Variants in MOCOS observed in about 807,000 individuals in gnomAD.
MOCOS encodes the protein molybdenum cofactor sulfurase.
MOCOS carries 86 observed loss-of-function variants against 83.6 expected under a neutral mutation model. The ratio of observed to expected loss-of-function variants is 1.03; its 90% CI spans 0.86 to 1.23. MOCOS has a LOEUF of 1.23. Ranked by LOEUF, MOCOS falls within the 50% of genes most tolerant of loss-of-function variation. MOCOS has a pLI of 0.00. For missense variants in MOCOS, 1,120 were observed against 1,126.9 expected, an observed-to-expected ratio of 0.99 and a Z score of 0.09; for synonymous variants, 445 against 434.7, an observed-to-expected ratio of 1.02 and a Z score of -0.29.
intron 6 of MOCOS, among the ~76,000 whole-genome samples, chr18:36,212,703 A>C (rs1397733898): frequency 6.6e-6 from 1 of 152,220 alleles, no homozygotes; most frequent in Admixed American, 6.5e-5. Context: ...CTGGCTGACC[A>C]CACGGTGACC....
At chr18:36,222,351 T>G (rs2091499340) in intron 9 of MOCOS, among the ~76,000 whole-genome samples, 1 of 152,184 alleles carries the variant, frequency 6.6e-6, no homozygotes, top group African/African-American at 2.4e-5. Context: ...TACCCACCAG[T>G]GGTTGCAAGG....
chr18:36,194,987 G>A lies in MOCOS; in HGVS notation c.143-270G>A, dbSNP rs8093132. Among the ~76,000 whole-genome samples the A allele has an allele frequency of 0.2, 30,004 of 152,150 alleles. 3,689 individuals carry two copies. Among genetic ancestry groups the A allele is most frequent in the East Asian group, 0.39 (2,018 of 5,164 alleles). On this transcript the variant is annotated intron_variant, in intron 1 of 14. Transcript: ENST00000261326. ...CATTCATCACGAATGTCTGCTGGGC[G>A]TCTTCTCTGTGTGGGATGCTGTTCC...
intron 9 of MOCOS, among the ~76,000 whole-genome samples, chr18:36,247,664 A>G (rs1598590554): frequency 6.6e-6 from 1 of 152,302 alleles, no homozygotes; most frequent in East Asian, 1.9e-4. Context: ...TTCCCTTGTC[A>G]TCTGGATTTT....
chr18:36,202,207 CTTTAT>C (rs1179477918), intron 4 of MOCOS, among the ~76,000 whole-genome samples: 1 of 152,172 alleles, frequency 6.6e-6, no homozygotes, highest in African/African-American at 2.4e-5. Flanking sequence ...ATGTTCTCAA[CTTTAT>C]TTTATAACTC....
At chr18:36,233,008 C>T (rs1026867565) in intron 9 of MOCOS, among the ~76,000 whole-genome samples, 1 of 151,948 alleles carries the variant, frequency 6.6e-6, no homozygotes, top group African/African-American at 2.4e-5. Flanking sequence ...TACTGATTTT[C>T]CTCTCCTTCG....
At chr18:36,233,017 C>T (rs951300639) in intron 9 of MOCOS, among the ~76,000 whole-genome samples, 3 of 151,918 alleles carry the variant, frequency 2.0e-5, no homozygotes, top group Non-Finnish European at 2.9e-5. Flanking sequence ...TCCTCTCCTT[C>T]GTTATTATTA....
intron 9 of MOCOS, among the ~76,000 whole-genome samples, chr18:36,243,680 A>G (rs1285413839): frequency 6.6e-6 from 1 of 152,074 alleles, no homozygotes; most frequent in Non-Finnish European, 1.5e-5. Flanking sequence ...AAATAGTTTC[A>G]GTAGGATTGG....
intron 12 of MOCOS, among the ~76,000 whole-genome samples, chr18:36,257,478 A>G (rs1568068876): frequency 1.3e-5 from 2 of 152,034 alleles, no homozygotes; most frequent in African/African-American, 2.4e-5. Flanking sequence ...GCTAAAAAAG[A>G]GTGGTTATGA....
At chr18:36,238,142 G>T (rs1296333325) in intron 9 of MOCOS, among the ~76,000 whole-genome samples, 1 of 141,806 alleles carries the variant, frequency 7.1e-6, no homozygotes, top group African/African-American at 2.7e-5. Flanking sequence ...CTTCAGTTCT[G>T]CTCTGATTTT....
chr18:36,200,769 C>A (rs551754305), intron 4 of MOCOS, among the ~76,000 whole-genome samples: 1 of 152,318 alleles, frequency 6.6e-6, no homozygotes, highest in Non-Finnish European at 1.5e-5. Context: ...AGCTGGTTCT[C>A]CAGGAGCTAG....
intron 8 of MOCOS, among the ~76,000 whole-genome samples, chr18:36,216,921 A>C (rs2091478079): frequency 6.6e-6 from 1 of 152,204 alleles, no homozygotes; most frequent in South Asian, 2.1e-4. Flanking sequence ...GTCCTGAGGC[A>C]TTCCTACCAA....
chr18:36,215,938 C>A lies in MOCOS; in HGVS notation c.1758C>A (p.Asn586Lys). Residue 586 changes from asparagine (N) to lysine (K), a missense_variant, in exon 8 of 15, where the codon AAC becomes AAA. Coordinates refer to ENST00000261326, the MANE Select transcript of MOCOS (RefSeq NM_017947.4). ...CCCTTGGGCCACATGTTGTCACTAA[C>A]CTTTATCTCTATCCAATCAAATCCT... ...EGALGPHVVT[N>K]LYLYPIKSCA... The A allele has an allele frequency of 6.2e-7, 1 of 1,613,838 alleles. No homozygotes were observed.
intron 9 of MOCOS, among the ~76,000 whole-genome samples, chr18:36,236,634 T>G (rs1191608344): frequency 7.4e-6 from 1 of 134,764 alleles, no homozygotes; most frequent in Non-Finnish European, 1.6e-5. Context: ...TGGTTCCATA[T>G]GAACTTTAAA....
At chr18:36,247,542 G>A (rs2091606735) in intron 9 of MOCOS, among the ~76,000 whole-genome samples, 2 of 152,108 alleles carry the variant, frequency 1.3e-5, no homozygotes, top group African/African-American at 4.8e-5. Flanking sequence ...GGCTTTCCTG[G>A]GGTTCAAGCT....
intron 9 of MOCOS, among the ~76,000 whole-genome samples, chr18:36,228,548 G>A (rs1568059206): frequency 1.3e-5 from 2 of 152,110 alleles, no homozygotes; most frequent in Non-Finnish European, 2.9e-5. Flanking sequence ...GATGAAGCTG[G>A]AGGCCATTAG....
intron 1 of MOCOS, among the ~76,000 whole-genome samples, chr18:36,191,650 T>C (rs2091366651): frequency 1.3e-5 from 2 of 152,224 alleles, no homozygotes; most frequent in African/African-American, 4.8e-5. Flanking sequence ...TTGCTTATGC[T>C]GGTCTCAAAT....
chr18:36,241,023 A>G (rs1362489846), intron 9 of MOCOS, among the ~76,000 whole-genome samples: 1 of 152,094 alleles, frequency 6.6e-6, no homozygotes, highest in Non-Finnish European at 1.5e-5. Context: ...ACTGACCTGC[A>G]CCCACTGTCT....
intron 9 of MOCOS, among the ~76,000 whole-genome samples, chr18:36,245,359 C>T (rs560262): frequency 0.016 from 2,412 of 152,098 alleles, 58 homozygotes; most frequent in African/African-American, 0.054. Flanking sequence ...TTTCTAAAAA[C>T]GACTTTATCT....
chr18:36,217,782 T>G (rs1019889349), intron 8 of MOCOS, among the ~76,000 whole-genome samples: 1 of 152,138 alleles, frequency 6.6e-6, no homozygotes, highest in Non-Finnish European at 1.5e-5. Context: ...AGGAAATAAG[T>G]GGAGGGGATG....
Sources: gnomAD v4.1 joint callset for allele counts (sites outside exome capture counted in the v4.1 genomes callset) on GRCh38, gnomAD v4.1.1 for gene constraint, MANE v1.5 for transcripts, NCBI Gene and HGNC (gene_info 2026-07-23, HGNC 2026-07-21) for gene names.